KCNK2: variants seen among roughly 807,000 people sequenced by gnomAD.
KCNK2 encodes potassium channel subfamily K member 2.
KCNK2 carries 21 observed loss-of-function variants against 40.5 expected under a neutral mutation model. The observed-to-expected ratio is 0.52, with a 90% CI of 0.37 to 0.75. KCNK2 has a LOEUF of 0.75. KCNK2 is among the 30% of genes least tolerant of loss of function. KCNK2 has a pLI of 0.00. For synonymous variants in KCNK2, 191 were observed against 202.2 expected, an observed-to-expected ratio of 0.94 and a Z score of 0.47; for missense variants, 399 against 531.6, an observed-to-expected ratio of 0.75 and a Z score of 2.45.
intron 3 of KCNK2, among the ~76,000 whole-genome samples, chr1:215,168,122 T>C (rs548728975): frequency 1.3e-5 from 2 of 152,244 alleles, no homozygotes; most frequent in African/African-American, 4.8e-5. Flanking sequence ...CAGCTCAACA[T>C]CACTGATCAT....
At chr1:215,167,146 T>G (rs1663481358) in intron 3 of KCNK2, among the ~76,000 whole-genome samples, 2 of 152,132 alleles carry the variant, frequency 1.3e-5, no homozygotes, top group Non-Finnish European at 2.9e-5. Context: ...TCACCCTCAC[T>G]CCATGTTCTT....
At chr1:215,201,500 T>C (rs761744409) in intron 6 of KCNK2, among the ~76,000 whole-genome samples, 5 of 152,158 alleles carry the variant, frequency 3.3e-5, no homozygotes, top group Non-Finnish European at 7.4e-5. Context: ...CCTTGGAGCA[T>C]GACTAATAGA....
intron 6 of KCNK2, among the ~76,000 whole-genome samples, chr1:215,214,531 A>G (rs1285671967): frequency 6.6e-6 from 1 of 152,188 alleles, no homozygotes; most frequent in Non-Finnish European, 1.5e-5. Context: ...ATGTTGTCTC[A>G]CAAAGCAATC....
intron 1 of KCNK2, among the ~76,000 whole-genome samples, chr1:215,042,845 G>C (rs1657613819): frequency 6.6e-6 from 1 of 152,126 alleles, no homozygotes; most frequent in African/African-American, 2.4e-5. Flanking sequence ...CTGTGTTTTA[G>C]CCTAATTAAC....
intron 3 of KCNK2, among the ~76,000 whole-genome samples, chr1:215,129,549 G>C (rs186089457): frequency 1.1e-4 from 16 of 152,250 alleles, no homozygotes; most frequent in Non-Finnish European, 1.5e-5. Context: ...CATTTAAGCT[G>C]AACCCTGAAT....
chr1:215,050,157 G>C (rs950078669), intron 1 of KCNK2, among the ~76,000 whole-genome samples: 15 of 151,766 alleles, frequency 9.9e-5, no homozygotes, highest in African/African-American at 3.6e-4. Flanking sequence ...TGTCTCCTTT[G>C]ATTTTTTTAA....
At chr1:215,109,183 C>G (rs1023157909) in intron 2 of KCNK2, among the ~76,000 whole-genome samples, 2 of 151,968 alleles carry the variant, frequency 1.3e-5, no homozygotes, top group Non-Finnish European at 2.9e-5. Flanking sequence ...ACCTAAGTGT[C>G]TATCATTTTT....
intron 3 of KCNK2, among the ~76,000 whole-genome samples, chr1:215,141,956 C>T (rs767697064): frequency 8.6e-5 from 13 of 151,990 alleles, no homozygotes; most frequent in African/African-American, 1.7e-4. Context: ...CTGTTGCTTT[C>T]GTATCCTCAG....
intron 1 of KCNK2, among the ~76,000 whole-genome samples, chr1:215,044,941 C>G (rs1483831328): frequency 6.6e-6 from 1 of 151,932 alleles, no homozygotes; most frequent in Non-Finnish European, 1.5e-5. Context: ...GAGGCCTAGG[C>G]GGGTGGATCA....
intron 1 of KCNK2, among the ~76,000 whole-genome samples, chr1:215,033,471 A>G (rs1319042764): frequency 6.6e-6 from 1 of 152,154 alleles, no homozygotes; most frequent in African/African-American, 2.4e-5. Flanking sequence ...TGTACTGGGT[A>G]CAAATAACTG....
At chr1:215,174,555 C>T (rs1663866966) in intron 5 of KCNK2, among the ~76,000 whole-genome samples, 1 of 152,118 alleles carries the variant, frequency 6.6e-6, no homozygotes, top group African/African-American at 2.4e-5. Context: ...TATAAATTAC[C>T]TTGGGCAGTA....
chr1:215,169,685 G>T (rs1427961656), intron 4 of KCNK2, among the ~76,000 whole-genome samples: 1 of 149,320 alleles, frequency 6.7e-6, no homozygotes, highest in Non-Finnish European at 1.5e-5. Flanking sequence ...TGCCCAGGCT[G>T]CAGTGCAATG....
chr1:215,023,208 T>C (rs1558060066), intron 1 of KCNK2, among the ~76,000 whole-genome samples: 3 of 152,164 alleles, frequency 2.0e-5, no homozygotes, highest in Non-Finnish European at 2.9e-5. Context: ...CTTGTTATTA[T>C]TATTATTTTT....
chr1:215,232,379 G>C (rs1225237309), intron 6 of KCNK2, among the ~76,000 whole-genome samples: 2 of 152,114 alleles, frequency 1.3e-5, no homozygotes, highest in Non-Finnish European at 1.5e-5. Context: ...GCAAAATGTT[G>C]ATGACAATTG....
intron 3 of KCNK2, among the ~76,000 whole-genome samples, chr1:215,168,758 C>T (rs1445728154): frequency 6.6e-6 from 1 of 151,808 alleles, no homozygotes; most frequent in African/African-American, 2.4e-5. Flanking sequence ...GTATGCAGGG[C>T]TTAAAACCTA....
At chr1:215,175,257 A>G (rs1256846576) in intron 5 of KCNK2, among the ~76,000 whole-genome samples, 2 of 152,046 alleles carry the variant, frequency 1.3e-5, no homozygotes, top group Non-Finnish European at 2.9e-5. Context: ...GGAGATTAGG[A>G]CTTCAACATA....
chr1:215,236,218 G>A lies in KCNK2; in HGVS notation c.*1073G>A, dbSNP rs1353158615. Reference sequence around the variant, plus strand: ...GCAAAACAATGTGTTACAAGTATTTGCTAATAAACAGTATACTGCCAGCTT... The same window carrying A: ...GCAAAACAATGTGTTACAAGTATTTACTAATAAACAGTATACTGCCAGCTT... On this transcript the variant is annotated 3_prime_UTR_variant, in exon 7 of 7. Coordinates refer to ENST00000444842, the MANE Select transcript of KCNK2 (RefSeq NM_001017425.3). 1 of 152,156 alleles carries A rather than the reference G, an allele frequency of 6.6e-6. No individual in the cohort carries two copies. Among genetic ancestry groups the A allele is most frequent in the East Asian group, 1.9e-4 (1 of 5,182 alleles). The allele number at this position is 152,156 out of a possible 1,614,324, so 9.4% of individuals were successfully genotyped here.
chr1:215,060,166 T>C lies in KCNK2; in HGVS notation c.35-26202T>C, dbSNP rs147701107. The stretch of plus-strand genomic sequence containing the variant: ...GACCTGGCAGAGATTCAGTCCGCAG[T>C]GCCAGCCAGAAAGCGCTGAGAGGAG... On this transcript the variant is annotated intron_variant, in intron 1 of 6. Transcript: ENST00000391895. Among the ~76,000 whole-genome samples the C allele has an allele frequency of 4.8e-3, 730 of 152,278 alleles. 6 individuals are homozygous for C. The highest frequency in any genetic ancestry group is 7.3e-3 in the Admixed American group (111 of 15,290).
chr1:215,055,636 A>C (rs1658132249), intron 1 of KCNK2, among the ~76,000 whole-genome samples: 1 of 152,182 alleles, frequency 6.6e-6, no homozygotes, highest in Non-Finnish European at 1.5e-5. Flanking sequence ...ATAAAGAGAA[A>C]GTTTTCTAGT....
Sources: allele counts gnomAD v4.1 joint callset (sites outside exome capture counted in the v4.1 genomes callset), GRCh38; gene constraint gnomAD v4.1.1; transcripts MANE v1.5; gene names NCBI Gene and HGNC (gene_info 2026-07-23, HGNC 2026-07-21).